The following PLAGL1 variants were observed in gnomAD, a reference collection of about 807,000 sequenced individuals.
PLAGL1 encodes the protein PLAG1 like zinc finger 1.
A neutral mutation model predicts 4.6 loss-of-function variants in PLAGL1; 1 was observed. The ratio of observed to expected loss-of-function variants is 0.22; its 90% CI spans 0.08 to 1.03. The LOEUF is 1.03. Among genes scored for constraint, PLAGL1 ranks in the 50% least tolerant of loss-of-function variants. The pLI, the probability that PLAGL1 is intolerant of heterozygous loss-of-function variation, is 0.58. For synonymous variants in PLAGL1, 240 were observed against 237.8 expected, an observed-to-expected ratio of 1.01 and a Z score of -0.08; for missense variants, 464 against 570.4, an observed-to-expected ratio of 0.81 and a Z score of 1.90.
chr6:144,044,154 G>A (rs945056405), intron 1 of PLAGL1, among the ~76,000 whole-genome samples: 3 of 152,024 alleles, frequency 2.0e-5, no homozygotes, highest in South Asian at 2.1e-4. Context: ...TTTTTTTGAA[G>A]GGTTTTTTGT....
Position 143,959,470 on chromosome 6 carries a change from C to T in PLAGL1, c.-325+999G>A, listed in dbSNP as rs1782887386. 6.6e-6 allele frequency among the ~76,000 whole-genome samples: 1 copy of T among 152,168 alleles called. No individual in the cohort carries two copies. Among genetic ancestry groups the T allele is most frequent in the Non-Finnish European group, 1.5e-5 (1 of 68,028 alleles). On this transcript the variant is annotated intron_variant, in intron 6 of 7. Transcript: ENST00000674357. This position sits in a 1 kb window ranked among gnomAD's most constrained non-coding sequence, Gnocchi z 5.3. Reference sequence around the variant, plus strand: ...CAGCCCTAACTAGAACTGCTAGGTCCTAGTAGATATGTTGGCCCTGTTGGG... The same window carrying T: ...CAGCCCTAACTAGAACTGCTAGGTCTTAGTAGATATGTTGGCCCTGTTGGG...
Position 143,942,377 on chromosome 6 carries a change from G to C in PLAGL1, c.439C>G (p.Pro147Ala). The part of the protein sequence containing the change: ...DHLKAHAEEK[P>A]PSGTKEKKHQ... Reference sequence around the variant, plus strand: ...TTCTTTTCCTTGGTTCCGCTAGGGGGCTTCTCTTCCGCATGGGCTTTGAGG... The same window carrying C: ...TTCTTTTCCTTGGTTCCGCTAGGGGCCTTCTCTTCCGCATGGGCTTTGAGG... The change falls in exon 8 of 8, where the codon CCC becomes GCC. Residue 147 changes from proline to alanine, a missense_variant. By Grantham distance (27) the Pro-to-Ala change is conservative. Around this residue, in one of 4 missense-constraint regions of PLAGL1, gnomAD observed 161 missense variants for 196.7 expected, o/e 0.82. Coordinates refer to ENST00000674357, the MANE Select transcript of PLAGL1 (RefSeq NM_001317162.2). The surrounding 1 kb of genome is among the most constrained non-coding windows in gnomAD (Gnocchi z 7.6). The C allele has an allele frequency of 6.2e-7, 1 of 1,614,176 alleles. No homozygotes were observed. Among genetic ancestry groups the C allele is most frequent in the South Asian group, 1.1e-5 (1 of 91,088 alleles).
In PLAGL1 at chr6:143,973,703, C is replaced by T. The variant is rs1436404104; in HGVS notation, c.-543-4725G>A. On this transcript the variant is annotated intron_variant, in intron 2 of 7. Coordinates refer to ENST00000674357, the MANE Select transcript of PLAGL1 (RefSeq NM_001317162.2). The surrounding 1 kb of genome is among the most constrained non-coding windows in gnomAD (Gnocchi z 6.2). Reference sequence around the variant, plus strand: ...CGTTCTAATAGCCAGAGGAAGATGGCTATACACGCAGCCTCTATTAGTTCA... The same window carrying T: ...CGTTCTAATAGCCAGAGGAAGATGGTTATACACGCAGCCTCTATTAGTTCA... Among the ~76,000 whole-genome samples, 1 of 152,184 alleles carries T rather than the reference C, an allele frequency of 6.6e-6. No individual in the cohort carries two copies. Among genetic ancestry groups the T allele is most frequent in the Non-Finnish European group, 1.5e-5 (1 of 68,034 alleles).
At chr6:144,058,624 A>G (rs1186977075) in intron 1 of PLAGL1, among the ~76,000 whole-genome samples, 5 of 152,224 alleles carry the variant, frequency 3.3e-5, no homozygotes, top group Admixed American at 3.3e-4. Context: ...TCCAAAATAC[A>G]ATGGTGGTAC....
At position 143,983,534 on chromosome 6, in the gene PLAGL1, G is replaced by A. The variant is rs1326701979; in HGVS notation, c.-544+1601C>T. Among the ~76,000 whole-genome samples, 1 of 152,048 alleles carries A rather than the reference G, an allele frequency of 6.6e-6. No homozygotes were observed. The highest frequency in any genetic ancestry group is 2.4e-5 in the African/African-American group (1 of 41,378). ...GTAAGCTTTAAATTGAGCATGGCTG[G>A]GTATCTTTCTCCAGCTACGTTCAGC... On this transcript the variant is annotated intron_variant, in intron 2 of 7. Transcript: ENST00000674357. This position sits in a 1 kb window ranked among gnomAD's most constrained non-coding sequence, Gnocchi z 6.6.
In PLAGL1 at chr6:143,994,587, G is replaced by A. The variant is rs547485274; in HGVS notation, c.-583-9413C>T. 3.3e-5 allele frequency among the ~76,000 whole-genome samples: 5 copies of A among 152,144 alleles called. No homozygotes were observed. The highest frequency in any genetic ancestry group is 1.9e-4 in the East Asian group (1 of 5,180). On this transcript the variant is annotated intron_variant, in intron 1 of 7. Transcript: ENST00000674357. This position sits in a 1 kb window ranked among gnomAD's most constrained non-coding sequence, Gnocchi z 4.3. The stretch of plus-strand genomic sequence containing the variant: ...GGCATTATAAATACTACTATTATTC[G>A]CAAAAAAATGTATGGAAGATGATGA...
chr6:144,002,763 G>C (rs1250167124), intron 1 of PLAGL1, among the ~76,000 whole-genome samples: 1 of 151,872 alleles, frequency 6.6e-6, no homozygotes, highest in Admixed American at 6.6e-5. Flanking sequence ...ACAAAACAAT[G>C]TTGAAAGTAA....
chr6:143,969,777 G>A (rs1785081294), intron 2 of PLAGL1, among the ~76,000 whole-genome samples: 1 of 151,028 alleles, frequency 6.6e-6, no homozygotes, highest in Non-Finnish European at 1.5e-5. Context: ...AAAATATGGG[G>A]GAAAAAAACA....
At chr6:144,024,389 A>G (rs1312881243) in intron 1 of PLAGL1, among the ~76,000 whole-genome samples, 1 of 152,216 alleles carries the variant, frequency 6.6e-6, no homozygotes, top group Non-Finnish European at 1.5e-5. Context: ...CCATGTGTCA[A>G]GAGCAGGGAC....
chr6:144,015,796 C>G lies in PLAGL1; in HGVS notation c.-150-46818G>C, dbSNP rs932560490. ...TTGCTAGAAGAAATATAAAATGATA[C>G]AGCCACTTTGGAAAACAGTTTGAAA... is the stretch of plus-strand genomic sequence containing the variant. On this transcript the variant is annotated intron_variant, in intron 1 of 3. Transcript: ENST00000437412. The surrounding 1 kb of genome is among the most constrained non-coding windows in gnomAD (Gnocchi z 4.3). Among the ~76,000 whole-genome samples the G allele has an allele frequency of 6.6e-6, 1 of 152,294 alleles. No homozygotes were observed. The highest frequency in any genetic ancestry group is 1.5e-5 in the Non-Finnish European group (1 of 68,022).
At position 143,942,402 on chromosome 6, in the gene PLAGL1, G is replaced by GTGGTCC. The variant is rs1422325499; in HGVS notation, c.408_413dup (p.Asp137_His138insGlnAsp). 6.2e-7 allele frequency: 1 copy of GTGGTCC among 1,614,054 alleles called. No individual in the cohort carries two copies. Among genetic ancestry groups the GTGGTCC allele is most frequent in the Non-Finnish European group, 8.5e-7 (1 of 1,180,034 alleles). ...GCTTCTCTTCCGCATGGGCTTTGAGGTGGTCCAGTAGCACCTCGGTGCTCC... is the reference window on the plus strand; with the variant it reads ...GCTTCTCTTCCGCATGGGCTTTGAGGTGGTCCTGGTCCAGTAGCACCTCGGTGCTCC... On this transcript the variant is annotated inframe_insertion, in exon 8 of 8. Coordinates refer to ENST00000674357, the MANE Select transcript of PLAGL1 (RefSeq NM_001317162.2). The surrounding 1 kb of genome is among the most constrained non-coding windows in gnomAD (Gnocchi z 7.6).
In PLAGL1 at chr6:143,971,931, G is replaced by A. The variant is rs957356293; in HGVS notation, c.-543-2953C>T. ...ATTTTTAGGAAAGAATAACAGAGAA[G>A]AGAGCTTGGATCTGAAAAGAAAAAT... is the stretch of plus-strand genomic sequence containing the variant. On this transcript the variant is annotated intron_variant, in intron 2 of 7. Coordinates refer to ENST00000674357, the MANE Select transcript of PLAGL1 (RefSeq NM_001317162.2). This position sits in a 1 kb window ranked among gnomAD's most constrained non-coding sequence, Gnocchi z 4.7. 6.6e-6 allele frequency among the ~76,000 whole-genome samples: 1 copy of A among 152,174 alleles called. No individual in the cohort carries two copies. Among genetic ancestry groups the A allele is most frequent in the African/African-American group, 2.4e-5 (1 of 41,448 alleles).
At chr6:143,967,379 T>C (rs993360501) in intron 3 of PLAGL1, 1 of 152,124 alleles carries the variant, frequency 6.6e-6, no homozygotes, top group African/African-American at 2.4e-5. Flanking sequence ...AATATATATA[T>C]ATAATGGAAA....
In PLAGL1 at chr6:144,061,347, C is replaced by T. The variant is rs530748681; in HGVS notation, c.-151+3121G>A. Among the ~76,000 whole-genome samples the T allele has an allele frequency of 1.1e-3, 171 of 152,344 alleles. No individual in the cohort carries two copies. Among genetic ancestry groups the T allele is most frequent in the African/African-American group, 3.8e-3 (160 of 41,580 alleles). On this transcript the variant is annotated intron_variant, in intron 1 of 3. Coordinates refer to the PLAGL1 transcript ENST00000437412. This position sits in a 1 kb window ranked among gnomAD's most constrained non-coding sequence, Gnocchi z 4.4. ...CTTTCTACAACTGGAACAGGACAGT[C>T]TATCTGTGCAACCTACCAAGTTCCA... is the stretch of plus-strand genomic sequence containing the variant.
chr6:143,992,579 T>C (rs778760952), intron 1 of PLAGL1, among the ~76,000 whole-genome samples: 28 of 152,198 alleles, frequency 1.8e-4, no homozygotes, highest in Non-Finnish European at 3.8e-4. Context: ...GCCAGAAAGA[T>C]AGTGATGTGT....
Position 143,950,322 on chromosome 6 carries a change from C to CA in PLAGL1, c.-324-1863_-324-1862insT, listed in dbSNP as rs1194367827. Reference sequence around the variant, plus strand: ...AACCCCTTTCCCCCAACCCCTGGTTCCCTTCCAGTATTCTAGTTCATGCCT... The same window carrying CA: ...AACCCCTTTCCCCCAACCCCTGGTTCACCTTCCAGTATTCTAGTTCATGCCT... On this transcript the variant is annotated intron_variant, in intron 6 of 7. Coordinates refer to ENST00000674357, the MANE Select transcript of PLAGL1 (RefSeq NM_001317162.2). The surrounding 1 kb of genome is among the most constrained non-coding windows in gnomAD (Gnocchi z 6.3). Among the ~76,000 whole-genome samples the CA allele has an allele frequency of 9.2e-5, 14 of 152,308 alleles. 1 individual carries two copies. The highest frequency in any genetic ancestry group is 3.1e-4 in the African/African-American group (13 of 41,570).
intron 1 of PLAGL1, among the ~76,000 whole-genome samples, chr6:144,038,771 G>A (rs1410482100): frequency 2.6e-5 from 4 of 152,186 alleles, no homozygotes; most frequent in African/African-American, 4.8e-5. Flanking sequence ...GAAATGCCCA[G>A]AGTAGCCAAA....
chr6:144,017,345 A>G (rs1365028710), intron 1 of PLAGL1, among the ~76,000 whole-genome samples: 1 of 151,348 alleles, frequency 6.6e-6, no homozygotes, highest in Non-Finnish European at 1.5e-5. Context: ...TCCTCTTGCC[A>G]CTATTTGCAA....
At chr6:144,002,155 C>A (rs62427125) in intron 1 of PLAGL1, among the ~76,000 whole-genome samples, 2,190 of 152,234 alleles carry the variant, frequency 0.014, 32 homozygotes, top group Non-Finnish European at 0.021. Flanking sequence ...TACAAAAACA[C>A]TGCACTATCT....
Sources: gnomAD v4.1 joint callset for allele counts (sites outside exome capture counted in the v4.1 genomes callset) on GRCh38, gnomAD v4.1.1 for gene constraint, gnomAD v4.1.1 regional missense constraint, Gnocchi (gnomAD v3.1) non-coding constraint, MANE v1.5 for transcripts, NCBI Gene and HGNC (gene_info 2026-07-23, HGNC 2026-07-21) for gene names.